Variants in DIAPH1 observed in about 807,000 individuals in gnomAD.
DIAPH1 encodes the protein protein diaphanous homolog 1.
Under a neutral mutation model 140.7 loss-of-function variants are expected in DIAPH1, and 46 were observed. The ratio of observed to expected loss-of-function variants is 0.33; its 90% CI spans 0.26 to 0.42. The LOEUF (loss-of-function observed/expected upper bound fraction) is 0.42. Among genes scored for constraint, DIAPH1 ranks in the 10% least tolerant of loss-of-function variants. The pLI, the probability that DIAPH1 is intolerant of heterozygous loss-of-function variation, is 1.00. For synonymous variants in DIAPH1, 565 were observed against 551.6 expected, an observed-to-expected ratio of 1.02 and a Z score of -0.34; for missense variants, 1,310 against 1,558.7, an observed-to-expected ratio of 0.84 and a Z score of 2.69.
rs757635140 is a variant in DIAPH1, at chr5:141,573,513, G to T, written c.2337C>A (p.Leu779=). 1 of 1,613,380 alleles carries T rather than the reference G, an allele frequency of 6.2e-7. No individual in the cohort carries two copies. The highest frequency in any genetic ancestry group is 2.2e-5 in the East Asian group (1 of 44,864). ...TTACCTTGGACCAGTTTGGCCTCCG[G>T]AGCTGCACCTCTGGCTTATAAAGCT... ...PKKLYKPEVQ[L]RRPNWSKLVA... is the part of the protein sequence containing the mutation. Residue 779 remains leucine (L), a synonymous_variant, in exon 16 of 28, where the codon CTC becomes CTA. Coordinates refer to ENST00000389054, the MANE Select transcript of DIAPH1 (RefSeq NM_005219.5).
At chr5:141,603,515 C>A (rs1333541269) in intron 1 of DIAPH1, among the ~76,000 whole-genome samples, 1 of 152,164 alleles carries the variant, frequency 6.6e-6, no homozygotes, top group African/African-American at 2.4e-5. Flanking sequence ...TTTTCCTAAC[C>A]CCACCCGGGA....
intron 1 of DIAPH1, among the ~76,000 whole-genome samples, chr5:141,609,561 T>C (rs915303525): frequency 2.0e-5 from 3 of 152,180 alleles, no homozygotes; most frequent in Admixed American, 6.5e-5. Context: ...ACAGTACCTA[T>C]TTTATAAGGT....
chr5:141,551,259 G>A (rs989643124), intron 18 of DIAPH1, among the ~76,000 whole-genome samples: 19 of 152,192 alleles, frequency 1.2e-4, no homozygotes, highest in Admixed American at 1.0e-3. Flanking sequence ...AGAAGAGCCT[G>A]GGCAACATAG....
chr5:141,568,569 T>C (rs2099894704), intron 18 of DIAPH1, among the ~76,000 whole-genome samples: 1 of 152,188 alleles, frequency 6.6e-6, no homozygotes, highest in Admixed American at 6.6e-5. Flanking sequence ...TGGAGTATAA[T>C]ATTCTAGGAC....
chr5:141,585,900 A>T (rs12717895), intron 3 of DIAPH1, among the ~76,000 whole-genome samples: 41,160 of 152,156 alleles, frequency 0.27, 6,008 homozygotes, highest in Admixed American at 0.35. Flanking sequence ...TAATTGGGGA[A>T]ATTCAAATAG....
At chr5:141,527,082 G>A (rs2099887449) in intron 24 of DIAPH1, among the ~76,000 whole-genome samples, 1 of 152,194 alleles carries the variant, frequency 6.6e-6, no homozygotes, top group Non-Finnish European at 1.5e-5. Flanking sequence ...GGAGGGGAAA[G>A]AGAGGGAAGC....
intron 18 of DIAPH1, among the ~76,000 whole-genome samples, chr5:141,567,930 A>G (rs1288176485): frequency 6.6e-6 from 1 of 152,238 alleles, no homozygotes; most frequent in African/African-American, 2.4e-5. Context: ...CTCAATTCTT[A>G]GTGAAGGTCT....
At chr5:141,606,750 T>C (rs972553371) in intron 1 of DIAPH1, among the ~76,000 whole-genome samples, 10 of 152,284 alleles carry the variant, frequency 6.6e-5, no homozygotes, top group African/African-American at 2.4e-4. Context: ...ACATGTTCTT[T>C]CATTAAACAC....
chr5:141,527,838 T>C lies in DIAPH1; in HGVS notation c.3149-141A>G, dbSNP rs965028810. On this transcript the variant is annotated intron_variant, in intron 23 of 27. Coordinates refer to ENST00000389054, the MANE Select transcript of DIAPH1 (RefSeq NM_005219.5). Reference sequence around the variant, plus strand: ...ACATTCTGGTACTTAATAATTTTAGTTCCTTATGTACTTTAGTTGTGTCAC... The same window carrying C: ...ACATTCTGGTACTTAATAATTTTAGCTCCTTATGTACTTTAGTTGTGTCAC... 3.7e-6 allele frequency: 4 copies of C among 1,083,698 alleles called. No individual in the cohort carries two copies. In the African/African-American group the frequency reaches 4.8e-5, roughly 13 times the overall value. The allele number at this position is 1,083,698 out of a possible 1,614,324, so 67.1% of individuals were successfully genotyped here.
intron 18 of DIAPH1, among the ~76,000 whole-genome samples, chr5:141,536,595 CG>C (rs1237237435): frequency 1.3e-5 from 2 of 151,658 alleles, no homozygotes; most frequent in Non-Finnish European, 2.9e-5. Flanking sequence ...GATTTGATGA[CG>C]GGGGCAGTTT....
chr5:141,578,053 A>C, intron 11 of DIAPH1, 172 bp downstream of exon 11: 1 of 698,396 alleles, frequency 1.4e-6, no homozygotes, highest in Non-Finnish European at 2.6e-6. Flanking sequence ...GATCTATGAT[A>C]AGCTAAGTAA....
At position 141,580,828 on chromosome 5, in the gene DIAPH1, G is replaced by C. The variant is rs370794285; in HGVS notation, c.740C>G (p.Ala247Gly). ...TEEGILLLVR[A>G]MDPAVPNMMI... Reference sequence around the variant, plus strand: ...CATGTTGGGAACAGCAGGATCCATGGCTCTGACCAGCAGTAGGATTCCTTC... The same window carrying C: ...CATGTTGGGAACAGCAGGATCCATGCCTCTGACCAGCAGTAGGATTCCTTC... Residue 247 changes from alanine (A) to glycine (G), a missense_variant, in exon 8 of 28, where the codon GCC becomes GGC. This residue lies in a region of DIAPH1 where 377 missense variants were observed against 497.1 expected (regional missense o/e 0.76). Coordinates refer to ENST00000389054, the MANE Select transcript of DIAPH1 (RefSeq NM_005219.5). 6 of 1,614,030 alleles carry C rather than the reference G, an allele frequency of 3.7e-6. No homozygotes were observed. The African/African-American group carries it at 6.7e-5, about 18-fold the overall frequency.
intron 1 of DIAPH1, among the ~76,000 whole-genome samples, chr5:141,594,353 A>C (rs926299213): frequency 1.3e-5 from 2 of 152,228 alleles, no homozygotes; most frequent in Non-Finnish European, 2.9e-5. Flanking sequence ...GTGAACAGGT[A>C]ACTAAACCAT....
intron 16 of DIAPH1, among the ~76,000 whole-genome samples, chr5:141,572,816 G>C (rs780768349): frequency 6.6e-6 from 1 of 151,950 alleles, no homozygotes; most frequent in Middle Eastern, 3.2e-3. Context: ...TGCGGAATTG[G>C]GATAGGAGAG....
chr5:141,577,397 A>T, intron 12 of DIAPH1, 78 bp downstream of exon 12: 4 of 1,046,370 alleles, frequency 3.8e-6, no homozygotes, highest in Non-Finnish European at 6.0e-6. Flanking sequence ...CCTTTTACAG[A>T]ACAATCTTTG....
chr5:141,529,062 G>T, intron 21 of DIAPH1, 110 bp downstream of exon 21: 1 of 1,573,534 alleles, frequency 6.4e-7, no homozygotes, highest in Non-Finnish European at 8.7e-7. Flanking sequence ...GAGAGATTAA[G>T]ACAGGTTCAA....
intron 18 of DIAPH1, among the ~76,000 whole-genome samples, chr5:141,555,856 C>G (rs1283299247): frequency 2.6e-5 from 4 of 152,194 alleles, no homozygotes. Context: ...TCAGCAGATT[C>G]TAAACCTTTT....
rs748687008 is a variant in DIAPH1 at position 141,583,334 on chromosome 5, A to C, written c.534-42T>G. The C allele has an allele frequency of 3.7e-6, 6 of 1,607,328 alleles. No individual in the cohort carries two copies. The African/African-American group carries it at 8.0e-5, about 22-fold the overall frequency. ...GAGGCAATGCAATATCAAACCAATA[A>C]ATACTTATTTGCCAAACAAAGTTTA... On this transcript the variant is annotated intron_variant, in intron 5 of 27. Coordinates refer to ENST00000389054, the MANE Select transcript of DIAPH1 (RefSeq NM_005219.5).
intron 8 of DIAPH1, among the ~76,000 whole-genome samples, chr5:141,579,902 C>T (rs1317316775): frequency 6.7e-6 from 1 of 150,050 alleles, no homozygotes; most frequent in Non-Finnish European, 1.5e-5. Context: ...GGGCCGAGAT[C>T]GCGCCACTGC....
Sources: gnomAD v4.1 joint callset for allele counts (sites outside exome capture counted in the v4.1 genomes callset) on GRCh38, gnomAD v4.1.1 for gene constraint, gnomAD v4.1.1 regional missense constraint, MANE v1.5 for transcripts, NCBI Gene and HGNC (gene_info 2026-07-23, HGNC 2026-07-21) for gene names.